GALNT17: variants seen among roughly 807,000 people sequenced by gnomAD.
GALNT17 encodes UDP-GalNAc:polypeptide N-acetylgalactosaminyltransferase-like 3.
Under a neutral mutation model 63.7 loss-of-function variants are expected in GALNT17, and 29 were observed. That is an observed-to-expected ratio of 0.46 (90% CI 0.34 to 0.62). GALNT17 has a LOEUF of 0.62. GALNT17 is among the 20% of genes least tolerant of loss of function. The pLI is 0.01. For synonymous variants in GALNT17, 305 were observed against 318.3 expected (o/e 0.96, Z 0.45); for missense variants, 603 against 799.6 (o/e 0.75, Z 2.97).
chr7:71,357,781 A>G (rs113358884), intron 2 of GALNT17, among the ~76,000 whole-genome samples: 179 of 152,172 alleles, frequency 1.2e-3, no homozygotes, highest in African/African-American at 4.0e-3. Context: ...GGACTTGGAG[A>G]ACTTTTAAGG....
rs548146880 is a variant in GALNT17 at position 71,565,313 on chromosome 7, G to A, written c.963-5972G>A. 2.4e-4 allele frequency among the ~76,000 whole-genome samples: 37 copies of A among 152,018 alleles called. No individual in the cohort carries two copies. The Middle Eastern group carries it at 0.01, about 42-fold the overall frequency. Reference sequence around the variant, plus strand: ...CTGACGGGGAAAGATGTTGCCCAAAGGGTAACTGAGAGGGATCTGAAGAAG... The same window carrying A: ...CTGACGGGGAAAGATGTTGCCCAAAAGGTAACTGAGAGGGATCTGAAGAAG... On this transcript the variant is annotated intron_variant, in intron 5 of 10. Coordinates refer to ENST00000333538, the MANE Select transcript of GALNT17 (RefSeq NM_022479.3).
chr7:71,677,111 C>T lies in GALNT17; in HGVS notation c.1405-100C>T. ...TCACTTAGAGGCTCGTGTTGTCTTC[C>T]CATCATGAAGTTGGAACCAAGCCAT... On this transcript the variant is annotated intron_variant, in intron 8 of 10. Coordinates refer to ENST00000333538, the MANE Select transcript of GALNT17 (RefSeq NM_022479.3). The T allele has an allele frequency of 2.5e-6, 3 of 1,179,292 alleles. No homozygotes were observed. The South Asian group carries it at 3.7e-5, about 14-fold the overall frequency. The allele number at this position is 1,179,292 out of a possible 1,614,324, so 73.1% of individuals were successfully genotyped here.
At chr7:71,406,087 A>G (rs896295817) in intron 3 of GALNT17, among the ~76,000 whole-genome samples, 2 of 152,214 alleles carry the variant, frequency 1.3e-5, no homozygotes, top group African/African-American at 4.8e-5. Context: ...TTAAATTACC[A>G]AAGGAGATCT....
intron 2 of GALNT17, among the ~76,000 whole-genome samples, chr7:71,374,235 T>C (rs1340752639): frequency 1.3e-5 from 2 of 152,238 alleles, no homozygotes; most frequent in Admixed American, 6.5e-5. Flanking sequence ...AGTTTAAGTC[T>C]ACCCACCACT....
intron 5 of GALNT17, among the ~76,000 whole-genome samples, chr7:71,453,663 A>G (rs1325816748): frequency 6.6e-6 from 1 of 152,188 alleles, no homozygotes; most frequent in Non-Finnish European, 1.5e-5. Context: ...AACAATATTC[A>G]TGGTTGACAT....
intron 1 of GALNT17, among the ~76,000 whole-genome samples, chr7:71,136,871 C>T (rs1332679713): frequency 6.6e-6 from 1 of 151,910 alleles, no homozygotes; most frequent in African/African-American, 2.4e-5. Flanking sequence ...ATTGCAACCT[C>T]TACTTCCCCG....
intron 5 of GALNT17, among the ~76,000 whole-genome samples, chr7:71,445,364 T>G (rs1389227973): frequency 1.4e-5 from 2 of 142,274 alleles, no homozygotes; most frequent in Non-Finnish European, 3.1e-5. Context: ...TTTTTGTTTG[T>G]TTTTTTTTTT....
chr7:71,388,029 G>A (rs1028926078), intron 2 of GALNT17, among the ~76,000 whole-genome samples: 4 of 152,100 alleles, frequency 2.6e-5, no homozygotes, highest in Non-Finnish European at 5.9e-5. Flanking sequence ...TGGTGAATCT[G>A]GGAGAAGTGG....
intron 1 of GALNT17, among the ~76,000 whole-genome samples, chr7:71,302,934 G>C (rs1791227184): frequency 6.6e-6 from 1 of 151,884 alleles, no homozygotes; most frequent in Non-Finnish European, 1.5e-5. Flanking sequence ...GCTCAATCTT[G>C]ACTCACTGCA....
At chr7:71,302,408 A>G (rs1022240038) in intron 1 of GALNT17, among the ~76,000 whole-genome samples, 2 of 152,320 alleles carry the variant, frequency 1.3e-5, no homozygotes, top group African/African-American at 4.8e-5. Flanking sequence ...TCCAGGCTCA[A>G]GTGCACTGGC....
At chr7:71,329,982 T>TATATATAC (rs1791778859) in intron 1 of GALNT17, among the ~76,000 whole-genome samples, 2 of 21,406 alleles carry the variant, frequency 9.3e-5, no homozygotes, top group Non-Finnish European at 1.9e-4. Flanking sequence ...TATATGTGTG[T>TATATATAC]GTGTATATAT....
chr7:71,392,973 G>C lies in GALNT17; in HGVS notation c.589+4572G>C, dbSNP rs28733786. 4.6e-3 allele frequency among the ~76,000 whole-genome samples: 708 copies of C among 152,264 alleles called. 5 individuals carry two copies. The highest frequency in any genetic ancestry group is 0.016 in the African/African-American group (675 of 41,546). ...CCCCACACACTGTAATCATGGAATT[G>C]AATTCCTGCCAGACATCAATTTTGT... is the stretch of plus-strand genomic sequence containing the variant. On this transcript the variant is annotated intron_variant, in intron 3 of 10. Coordinates refer to ENST00000333538, the MANE Select transcript of GALNT17 (RefSeq NM_022479.3).
chr7:71,363,416 AAC>A (rs1792443334), intron 2 of GALNT17, among the ~76,000 whole-genome samples: 1 of 152,218 alleles, frequency 6.6e-6, no homozygotes, highest in Admixed American at 6.5e-5. Flanking sequence ...ATCTTTTGCA[AAC>A]ACACGTTGTG....
chr7:71,587,484 A>C (rs1317499286), intron 6 of GALNT17, among the ~76,000 whole-genome samples: 1 of 151,882 alleles, frequency 6.6e-6, no homozygotes, highest in African/African-American at 2.4e-5. Context: ...GTTGATTTCC[A>C]GGGGTCTGTG....
intron 5 of GALNT17, among the ~76,000 whole-genome samples, chr7:71,559,081 G>A (rs949131110): frequency 3.3e-5 from 5 of 152,178 alleles, no homozygotes; most frequent in Non-Finnish European, 1.5e-5. Flanking sequence ...CCACTTAAAG[G>A]CAAAGCACTG....
chr7:71,388,431 CATG>C (rs755322811), intron 3 of GALNT17, 30 bp downstream of exon 3: 1 of 1,593,426 alleles, frequency 6.3e-7, no homozygotes, highest in Non-Finnish European at 8.6e-7. Context: ...GTGCACAGGA[CATG>C]ATGACAGCAG....
intron 1 of GALNT17, among the ~76,000 whole-genome samples, chr7:71,308,249 T>G (rs1177702524): frequency 6.6e-6 from 1 of 152,156 alleles, no homozygotes; most frequent in African/African-American, 2.4e-5. Flanking sequence ...AGCATTGGAT[T>G]GCAGCTCGGT....
chr7:71,593,544 G>A (rs186818175), intron 6 of GALNT17, among the ~76,000 whole-genome samples: 5 of 152,244 alleles, frequency 3.3e-5, no homozygotes, highest in East Asian at 3.9e-4. Flanking sequence ...GATTACAGGC[G>A]TGAGCCACCA....
intron 5 of GALNT17, among the ~76,000 whole-genome samples, chr7:71,439,231 C>T (rs921021232): frequency 8.5e-5 from 13 of 152,072 alleles, no homozygotes; most frequent in Admixed American, 8.5e-4. Flanking sequence ...AAGGGATTTG[C>T]ACAGAAAAGA....
Sources: allele counts gnomAD v4.1 joint callset (sites outside exome capture counted in the v4.1 genomes callset), GRCh38; gene constraint gnomAD v4.1.1; transcripts MANE v1.5; gene names NCBI Gene and HGNC (gene_info 2026-07-23, HGNC 2026-07-21).